Variants in CKAP5 observed in about 807,000 individuals in gnomAD.
The protein encoded by CKAP5 is cytoskeleton associated protein 5, also known as cytoskeleton-associated protein 5.
CKAP5 carries 27 observed loss-of-function variants against 232.8 expected under a neutral mutation model. The observed-to-expected ratio is 0.12, with a 90% CI of 0.09 to 0.16. The LOEUF is 0.16. Ranked by LOEUF, CKAP5 falls within the 10% of genes least tolerant of loss-of-function variation. CKAP5 has a pLI of 1.00. For missense variants in CKAP5, 1,838 were observed against 2,424.7 expected (o/e 0.76, Z 5.08); for synonymous variants, 785 against 841.1 (o/e 0.93, Z 1.16).
At chr11:46,789,177 G>A (rs973301773) in intron 15 of CKAP5, among the ~76,000 whole-genome samples, 5 of 152,106 alleles carry the variant, frequency 3.3e-5, no homozygotes, top group South Asian at 2.1e-4. Context: ...CTAAAGTACC[G>A]AATATCAAAG....
chr11:46,765,292 G>C, intron 27 of CKAP5, 36 bp from the exon 28 acceptor site: 1 of 1,557,246 alleles, frequency 6.4e-7, no homozygotes, highest in Non-Finnish European at 8.7e-7. Flanking sequence ...GATTAGCTTG[G>C]CCACTTCTCC....
At chr11:46,764,563 G>A (rs545738719) in intron 28 of CKAP5, among the ~76,000 whole-genome samples, 1 of 152,140 alleles carries the variant, frequency 6.6e-6, no homozygotes, top group East Asian at 1.9e-4. Context: ...TAAAAGGAGG[G>A]CTATATAAAA....
chr11:46,823,430 GAA>G (rs1939588775), intron 1 of CKAP5, among the ~76,000 whole-genome samples: 1 of 151,898 alleles, frequency 6.6e-6, no homozygotes, highest in African/African-American at 2.4e-5. Context: ...TAAATCATAT[GAA>G]AAAGACAGGC....
intron 8 of CKAP5, 23 bp downstream of exon 8, chr11:46,808,008 G>C (rs1325101224): frequency 1.3e-6 from 2 of 1,533,086 alleles, no homozygotes; most frequent in African/African-American, 2.7e-5. Flanking sequence ...TACAATACCA[G>C]TACTGCAAGT....
chr11:46,808,108 C>G lies in CKAP5; in HGVS notation c.901G>C (p.Glu301Gln). The change falls in exon 8 of 44, where the codon GAG becomes CAG. Residue 301 changes from glutamate to glutamine, a missense_variant. Glu to Gln is a conservative substitution (Grantham distance 29). This residue lies in a region of CKAP5 where 97 missense variants were observed against 167.7 expected (regional missense o/e 0.58). Transcript: ENST00000529230. ...TTTTTTATTAGTACTTCTACAGACTCCAGGGCCTCTTTTCTCTCTTGCCAT... is the reference window on the plus strand; with the variant it reads ...TTTTTTATTAGTACTTCTACAGACTGCAGGGCCTCTTTTCTCTCTTGCCAT... Reference protein sequence around the residue: ...KKWQERKEALESVEVLIKNPK... With the variant: ...KKWQERKEALQSVEVLIKNPK... 1 of 1,613,650 alleles carries G rather than the reference C, an allele frequency of 6.2e-7. No homozygotes were observed. The highest frequency in any genetic ancestry group is 8.5e-7 in the Non-Finnish European group (1 of 1,179,852).
At chr11:46,834,247 G>A (rs138789320) in intron 1 of CKAP5, among the ~76,000 whole-genome samples, 11 of 152,024 alleles carry the variant, frequency 7.2e-5, no homozygotes, top group South Asian at 2.1e-4. Context: ...GGCCTGGTGC[G>A]GTGGCTCACA....
At chr11:46,762,883 A>G (rs1227077465) in intron 30 of CKAP5, 93 bp downstream of exon 30, 2 of 1,442,844 alleles carry the variant, frequency 1.4e-6, no homozygotes, top group Non-Finnish European at 1.9e-6. Flanking sequence ...GTACCGTGAT[A>G]TAATCAGTAA....
chr11:46,828,679 G>GATA (rs1274783887), intron 1 of CKAP5, among the ~76,000 whole-genome samples: 1 of 152,136 alleles, frequency 6.6e-6, no homozygotes, highest in Non-Finnish European at 1.5e-5. Context: ...CACACAAATG[G>GATA]ATAATACCCT....
intron 1 of CKAP5, among the ~76,000 whole-genome samples, chr11:46,842,696 GGTGGCTCACGCCT>G (rs1312578239): frequency 6.6e-6 from 1 of 152,138 alleles, no homozygotes; most frequent in Non-Finnish European, 1.5e-5. Context: ...GGCCGGGCGC[GGTGGCTCACGCCT>G]GTAATCCCAG....
chr11:46,761,448 G>T (rs2065154452), intron 32 of CKAP5, among the ~76,000 whole-genome samples: 1 of 152,080 alleles, frequency 6.6e-6, no homozygotes, highest in Non-Finnish European at 1.5e-5. Flanking sequence ...GTAGTAGTGA[G>T]AATTTAATTA....
chr11:46,802,565 C>T (rs1055678557), intron 8 of CKAP5, among the ~76,000 whole-genome samples: 168 of 149,670 alleles, frequency 1.1e-3, no homozygotes, highest in Non-Finnish European at 1.6e-3. Flanking sequence ...CAGACACACA[C>T]ACACACACAC....
chr11:46,764,703 G>A (rs950531967), intron 28 of CKAP5, among the ~76,000 whole-genome samples: 1 of 152,060 alleles, frequency 6.6e-6, no homozygotes, highest in African/African-American at 2.4e-5. Context: ...TGCACTTTCT[G>A]TACTGCATAT....
rs199644197 is a variant in CKAP5 at position 46,763,535 on chromosome 11, C to T, written c.3633G>A (p.Glu1211=). 1.5e-5 allele frequency: 24 copies of T among 1,605,938 alleles called. No individual in the cohort carries two copies. The African/African-American group carries it at 2.4e-4, about 16-fold the overall frequency. The change falls in exon 29 of 44, where the codon GAG becomes GAA. Residue 1211 remains glutamate (E), a synonymous_variant. Transcript: ENST00000529230. The stretch of plus-strand genomic sequence containing the variant: ...GATGCTGAAAGTCTGAGTGAAACAT[C>T]TCATCTTGTAACCATTTAGCCACAC... ...SSCVAKWLQD[E]MFHSDFQHHN...
chr11:46,789,688 T>C lies in CKAP5; in HGVS notation c.1875+388A>G, dbSNP rs545837779. On this transcript the variant is annotated intron_variant, in intron 15 of 43. Coordinates refer to ENST00000529230, the MANE Select transcript of CKAP5 (RefSeq NM_001008938.4). ...GTGGGCGCCTGTAGTCCCAGCTACT[T>C]AGGAGGCTGAGGCAGGAGAATGGCG... Among the ~76,000 whole-genome samples, 421 of 151,872 alleles carry C rather than the reference T, an allele frequency of 2.8e-3. 2 individuals are homozygous for C. Among genetic ancestry groups the C allele is most frequent in the African/African-American group, 9.6e-3 (399 of 41,424 alleles).
intron 8 of CKAP5, among the ~76,000 whole-genome samples, chr11:46,803,064 G>A (rs1014134701): frequency 6.6e-5 from 10 of 151,922 alleles, no homozygotes; most frequent in African/African-American, 2.4e-4. Context: ...AGGAGTTCAA[G>A]ACCAACCTGG....
chr11:46,845,850 C>A (rs1430748060), intron 1 of CKAP5, among the ~76,000 whole-genome samples: 3 of 152,160 alleles, frequency 2.0e-5, no homozygotes, highest in Non-Finnish European at 4.4e-5. Flanking sequence ...GACAATTACG[C>A]GAGAGGCACT....
intron 1 of CKAP5, among the ~76,000 whole-genome samples, chr11:46,843,640 G>A (rs1483466076): frequency 6.6e-6 from 1 of 151,044 alleles, no homozygotes; most frequent in Non-Finnish European, 1.5e-5. Context: ...TGAGATGGGA[G>A]GATCACCTGA....
intron 1 of CKAP5, among the ~76,000 whole-genome samples, chr11:46,824,613 C>A (rs1398605413): frequency 2.0e-5 from 3 of 152,146 alleles, no homozygotes; most frequent in African/African-American, 7.2e-5. Flanking sequence ...CTGTAAAATA[C>A]AATAAAAATT....
intron 13 of CKAP5, among the ~76,000 whole-genome samples, chr11:46,795,265 T>C (rs1344063082): frequency 6.6e-6 from 1 of 151,756 alleles, no homozygotes. Flanking sequence ...GAGGCGGAGG[T>C]TGCAGTGAGC....
Sources: allele counts gnomAD v4.1 joint callset (sites outside exome capture counted in the v4.1 genomes callset), GRCh38; gene constraint gnomAD v4.1.1; regional missense constraint gnomAD v4.1.1; transcripts MANE v1.5; gene names NCBI Gene and HGNC (gene_info 2026-07-23, HGNC 2026-07-21).